Variants in PCYT2 observed in about 807,000 individuals in gnomAD.
PCYT2 encodes ethanolamine-phosphate cytidylyltransferase.
A neutral mutation model predicts 50.0 loss-of-function variants in PCYT2; 33 were observed. The observed-to-expected ratio is 0.66, with a 90% CI of 0.50 to 0.88. The LOEUF (loss-of-function observed/expected upper bound fraction) is 0.88, where lower values mean the gene tolerates loss of function less well. PCYT2 is among the 40% of genes least tolerant of loss of function. The probability of loss-of-function intolerance (pLI) is 0.00; values close to 1 mark genes in which losing one functional copy is unlikely to be tolerated. For missense variants in PCYT2, 430 were observed against 519.7 expected (o/e 0.83, Z 1.68); for synonymous variants, 240 against 203.7 (o/e 1.18, Z -1.52).
In PCYT2 at chr17:81,902,922, G is replaced by T; in HGVS notation, c.*1911C>A. On this transcript the variant is annotated 3_prime_UTR_variant, in exon 13 of 13. Transcript: ENST00000538936. ...GGCCTCGGAGTGAGGGGTGCTGGAG[G>T]ACTGGCAGCCAGGCCACGAGGGGAA... The T allele has an allele frequency of 1.7e-6, 1 of 582,344 alleles. No homozygotes were observed. Among genetic ancestry groups the T allele is most frequent in the East Asian group, 3.4e-5 (1 of 29,640 alleles). 36.1% of individuals were successfully genotyped at this position (582,344 alleles called of 1,614,324 possible). A position where few individuals can be genotyped will look rare whatever the true frequency, so the allele number is the denominator to read the frequency against.
At chr17:81,910,749 T>C (rs1259045055) in intron 1 of PCYT2, among the ~76,000 whole-genome samples, 1 of 152,244 alleles carries the variant, frequency 6.6e-6, no homozygotes, top group African/African-American at 2.4e-5. Flanking sequence ...GTCGTCTTCC[T>C]TTCACTTGTT....
In PCYT2 at chr17:81,902,960, A is replaced by G. The variant is rs2040022049; in HGVS notation, c.*1873T>C. 7.6e-6 allele frequency: 4 copies of G among 523,938 alleles called. No individual in the cohort carries two copies. In the Middle Eastern group the frequency reaches 1.5e-3, roughly 191 times the overall value. The allele number at this position is 523,938 out of a possible 1,614,324, so 32.5% of individuals were successfully genotyped here. The stretch of plus-strand genomic sequence containing the variant: ...GCCACGAGGGGAACGGGACCTGGAA[A>G]TCCCCAAGCCTGGGTATGAGAAGGC... On this transcript the variant is annotated 3_prime_UTR_variant, in exon 13 of 13. Transcript: ENST00000538936.
chr17:81,902,843 C>G lies in PCYT2; in HGVS notation c.*1990G>C. 9.1e-7 allele frequency: 1 copy of G among 1,092,916 alleles called. No homozygotes were observed. Among genetic ancestry groups the G allele is most frequent in the Non-Finnish European group, 1.3e-6 (1 of 784,596 alleles). 67.7% of individuals were successfully genotyped at this position (1,092,916 alleles called of 1,614,324 possible). On this transcript the variant is annotated 3_prime_UTR_variant, in exon 13 of 13. Coordinates refer to ENST00000538936, the MANE Select transcript of PCYT2 (RefSeq NM_002861.5). ...TCCGGCGCGGGATGGCGCCCCAGGT[C>G]TCCCCTACTCCGCTCACCCCGCAGT...
chr17:81,906,750 C>T lies in PCYT2; in HGVS notation c.676+10G>A. 6.2e-7 allele frequency: 1 copy of T among 1,612,246 alleles called. No homozygotes were observed. Among genetic ancestry groups the T allele is most frequent in the South Asian group, 1.1e-5 (1 of 90,994 alleles). ...CACATGTAGGGGAGCAGCAGAGGCC[C>T]AGAGGATACGGAACAGGTCGAAGGC... On this transcript the variant is annotated intron_variant, in intron 7 of 12. Coordinates refer to ENST00000538936, the MANE Select transcript of PCYT2 (RefSeq NM_002861.5).
chr17:81,902,712 C>A lies in PCYT2; in HGVS notation c.*2121G>T, dbSNP rs758891138. 1 of 1,608,764 alleles carries A rather than the reference C, an allele frequency of 6.2e-7. No homozygotes were observed. Among genetic ancestry groups the A allele is most frequent in the Non-Finnish European group, 8.5e-7 (1 of 1,178,796 alleles). On this transcript the variant is annotated 3_prime_UTR_variant, in exon 13 of 13. Coordinates refer to ENST00000538936, the MANE Select transcript of PCYT2 (RefSeq NM_002861.5). ...CCTACCAGTGCAAGGCGAACGTCTT[C>A]CTGTCCCTGCGCGCAGCCGACTGCC...
intron 8 of PCYT2, 33 bp from the exon 9 acceptor site, chr17:81,906,210 G>C (rs373864599): frequency 1.3e-6 from 2 of 1,568,456 alleles, no homozygotes; most frequent in Non-Finnish European, 1.7e-6. Context: ...TCAGCCCGGA[G>C]ACTTTTTGGG....
At chr17:81,908,786 A>C in intron 3 of PCYT2, 90 bp downstream of exon 3, 1 of 1,391,556 alleles carries the variant, frequency 7.2e-7, no homozygotes, top group Non-Finnish European at 1.0e-6. Flanking sequence ...CAAAGGGCGG[A>C]GGCCCCCTGT....
At chr17:81,908,822 G>A in intron 3 of PCYT2, 54 bp downstream of exon 3, 1 of 1,535,504 alleles carries the variant, frequency 6.5e-7, no homozygotes, top group African/African-American at 1.4e-5. Context: ...CAGCAGATCT[G>A]ATCCTGAGCC....
In PCYT2 at chr17:81,904,847, C is replaced by T. The variant is rs762256949; in HGVS notation, c.1156G>A (p.Asp386Asn). ...QQAAQPLGER[D>N]GDF ...CCTCTGCCAGGTTAGAAGTCACCAT[C>T]GCGCTCCCCCAGGGGCTGTGCCGCC... The change falls in exon 13 of 13, where the codon GAT becomes AAT. Residue 386 changes from aspartate to asparagine, a missense_variant. By Grantham distance (23) the Asp-to-Asn change is conservative. This residue lies in a region of PCYT2 where 248 missense variants were observed against 300.2 expected (regional missense o/e 0.83). Coordinates refer to ENST00000538936, the MANE Select transcript of PCYT2 (RefSeq NM_002861.5). 9.3e-6 allele frequency: 15 copies of T among 1,609,022 alleles called. No homozygotes were observed. The highest frequency in any genetic ancestry group is 1.3e-5 in the African/African-American group (1 of 74,872).
At chr17:81,910,265 G>A (rs549617004) in intron 1 of PCYT2, among the ~76,000 whole-genome samples, 7 of 152,288 alleles carry the variant, frequency 4.6e-5, no homozygotes, top group Middle Eastern at 3.4e-3. Context: ...ACTGGGCCTC[G>A]CTGCCCTGGC....
Position 81,907,824 on chromosome 17 carries a change from T to C in PCYT2, c.441A>G (p.Thr147=), listed in dbSNP as rs748300408. ...CCAGCAGCATGCGGCCCACGAGGTCTGTGGTGGACACCCCTTGCGTGCGCT... is the reference window on the plus strand; with the variant it reads ...CCAGCAGCATGCGGCCCACGAGGTCCGTGGTGGACACCCCTTGCGTGCGCT... ...ECKRTQGVST[T]DLVGRMLLVT... is the part of the protein sequence containing the mutation. The change falls in exon 5 of 13, where the codon ACA becomes ACG. Residue 147 remains threonine (T), a synonymous_variant. Coordinates refer to ENST00000538936, the MANE Select transcript of PCYT2 (RefSeq NM_002861.5). 2.5e-6 allele frequency: 4 copies of C among 1,613,192 alleles called. No homozygotes were observed. Among genetic ancestry groups the C allele is most frequent in the South Asian group, 1.1e-5 (1 of 91,020 alleles).
chr17:81,903,027 C>T lies in PCYT2; in HGVS notation c.*1806G>A. 2.2e-6 allele frequency: 1 copy of T among 454,066 alleles called. No individual in the cohort carries two copies. Among genetic ancestry groups the T allele is most frequent in the Non-Finnish European group, 3.9e-6 (1 of 258,626 alleles). 28.1% of individuals were successfully genotyped at this position (454,066 alleles called of 1,614,324 possible). A position where few individuals can be genotyped will look rare whatever the true frequency, so the allele number is the denominator to read the frequency against. On this transcript the variant is annotated 3_prime_UTR_variant, in exon 13 of 13. Transcript: ENST00000538936. ...GCAGGGCAAGGTTGGCCTGGGCCGC[C>T]CAGAGGTCTTCAGACCCAGGGGCGA...
intron 9 of PCYT2, 166 bp from the exon 10 acceptor site, chr17:81,905,901 G>A: frequency 2.5e-6 from 2 of 787,280 alleles, no homozygotes; most frequent in Non-Finnish European, 4.3e-6. Flanking sequence ...GAGACAAGAA[G>A]GAACAGCATC....
Position 81,908,611 on chromosome 17 carries a change from C to T in PCYT2, c.364G>A (p.Gly122Ser), listed in dbSNP as rs991648531. 27 of 1,613,544 alleles carry T rather than the reference C, an allele frequency of 1.7e-5. No homozygotes were observed. Among genetic ancestry groups the T allele is most frequent in the East Asian group, 2.2e-5 (1 of 44,904 alleles). Residue 122 changes from glycine (G) to serine (S), a missense_variant, in exon 4 of 13, where the codon GGC becomes AGC. Transcript: ENST00000538936. ...TTTACTTCCTCATAGGTGTCCCGGC[C>T]ATCTACAGTCAGGGTGATGTCATCT... The part of the protein sequence containing the change: ...HGNDITLTVD[G>S]RDTYEEVKQA...
rs1413093643 is a variant in PCYT2 at position 81,904,361 on chromosome 17, A to G, written c.*472T>C. 1 of 158,550 alleles carries G rather than the reference A, an allele frequency of 6.3e-6. No individual in the cohort carries two copies. Among genetic ancestry groups the G allele is most frequent in the Non-Finnish European group, 1.4e-5 (1 of 72,564 alleles). The allele number at this position is 158,550 out of a possible 1,614,324, so 9.8% of individuals were successfully genotyped here. The stretch of plus-strand genomic sequence containing the variant: ...AAGGCAAGCGTGTTTTCCTGGAGCC[A>G]GGCGCTGGGTGGCAGGACACCGTGT... On this transcript the variant is annotated 3_prime_UTR_variant, in exon 13 of 13. Transcript: ENST00000538936.
Position 81,905,457 on chromosome 17 carries a change from G to T in PCYT2, c.904-10C>A. 1.3e-6 allele frequency: 2 copies of T among 1,564,360 alleles called. No individual in the cohort carries two copies. The highest frequency in any genetic ancestry group is 1.7e-6 in the Non-Finnish European group (2 of 1,154,438). ...GACACACCAGGTCCACCTGGAGAAG[G>T]AGTGGGGTCAGGAGCCCTCCCCGGG... On this transcript the variant is annotated splice_polypyrimidine_tract_variant and intron_variant, in intron 10 of 12. Coordinates refer to ENST00000538936, the MANE Select transcript of PCYT2 (RefSeq NM_002861.5).
chr17:81,905,002 G>C, intron 12 of PCYT2, 58 bp from the exon 13 acceptor site: 1 of 1,583,416 alleles, frequency 6.3e-7, no homozygotes, highest in Non-Finnish European at 8.6e-7. Flanking sequence ...CGAGGGGGAG[G>C]GCACGGTAAG....
chr17:81,902,858 C>T lies in PCYT2; in HGVS notation c.*1975G>A. 2 of 949,746 alleles carry T rather than the reference C, an allele frequency of 2.1e-6. No homozygotes were observed. Among genetic ancestry groups the T allele is most frequent in the Admixed American group, 3.0e-5 (1 of 33,148 alleles). The allele number at this position is 949,746 out of a possible 1,614,324, so 58.8% of individuals were successfully genotyped here. On this transcript the variant is annotated 3_prime_UTR_variant, in exon 13 of 13. Coordinates refer to ENST00000538936, the MANE Select transcript of PCYT2 (RefSeq NM_002861.5). Reference sequence around the variant, plus strand: ...CGCCCCAGGTCTCCCCTACTCCGCTCACCCCGCAGTTAATGGCAAACGAAT... The same window carrying T: ...CGCCCCAGGTCTCCCCTACTCCGCTTACCCCGCAGTTAATGGCAAACGAAT...
In PCYT2 at chr17:81,907,809, G is replaced by A. The variant is rs373348454; in HGVS notation, c.456C>T (p.Arg152=). 17 of 1,613,310 alleles carry A rather than the reference G, an allele frequency of 1.1e-5. No homozygotes were observed. Among genetic ancestry groups the A allele is most frequent in the Non-Finnish European group, 1.4e-5 (16 of 1,179,976 alleles). ...GATGGGCTTTGGTTACCAGCAGCAT[G>A]CGGCCCACGAGGTCTGTGGTGGACA... ...QGVSTTDLVG[R]MLLVTKAHHS... Residue 152 remains arginine (R), a synonymous_variant, in exon 5 of 13, where the codon CGC becomes CGT. Transcript: ENST00000538936.
Sources: allele counts gnomAD v4.1 joint callset (sites outside exome capture counted in the v4.1 genomes callset), GRCh38; gene constraint gnomAD v4.1.1; regional missense constraint gnomAD v4.1.1; transcripts MANE v1.5; gene names NCBI Gene and HGNC (gene_info 2026-07-23, HGNC 2026-07-21).